Variants in DNAI7 observed in about 807,000 individuals in gnomAD.
DNAI7 encodes the protein dynein axonemal intermediate chain 7.
A neutral mutation model predicts 86.6 loss-of-function variants in DNAI7; 78 were observed. The ratio of observed to expected loss-of-function variants is 0.90; its 90% confidence interval spans 0.75 to 1.09. The LOEUF is 1.09. DNAI7 is among the 50% of genes least tolerant of loss of function. The pLI, the probability that DNAI7 is intolerant of heterozygous loss-of-function variation, is 0.00. For synonymous variants in DNAI7, 274 were observed against 273.0 expected (o/e 1.00, Z -0.04); for missense variants, 753 against 810.2 (o/e 0.93, Z 0.86).
intron 12 of DNAI7, among the ~76,000 whole-genome samples, chr12:25,116,304 T>C (rs1020603478): frequency 6.6e-6 from 1 of 152,172 alleles, no homozygotes; most frequent in African/African-American, 2.4e-5. Flanking sequence ...CATTAACAAA[T>C]AATTTTAATT....
chr12:25,147,212 T>C, intron 7 of DNAI7, 108 bp from the exon 8 acceptor site: 1 of 600,682 alleles, frequency 1.7e-6, no homozygotes, highest in Non-Finnish European at 2.9e-6. Flanking sequence ...ATTAATCACC[T>C]AAGAGAGTAA....
chr12:25,148,298 G>T (rs1265649189), intron 7 of DNAI7, among the ~76,000 whole-genome samples: 1 of 152,140 alleles, frequency 6.6e-6, no homozygotes, highest in African/African-American at 2.4e-5. Flanking sequence ...TCTTCAGCAA[G>T]GAGGCATCAT....
intron 7 of DNAI7, among the ~76,000 whole-genome samples, chr12:25,149,274 A>C (rs1945221291): frequency 6.6e-6 from 1 of 152,138 alleles, no homozygotes; most frequent in South Asian, 2.1e-4. Context: ...ATAGTATTCT[A>C]TTTCTTTAAA....
chr12:25,195,010 T>C, intron 1 of DNAI7, 66 bp downstream of exon 1: 6 of 1,614,154 alleles, frequency 3.7e-6, no homozygotes, highest in Non-Finnish European at 5.1e-6. Flanking sequence ...GATTACATTA[T>C]TTAACACTGG....
intron 2 of DNAI7, among the ~76,000 whole-genome samples, chr12:25,178,067 T>C (rs970516515): frequency 6.6e-6 from 1 of 152,226 alleles, no homozygotes; most frequent in South Asian, 2.1e-4. Flanking sequence ...GTGTCATGAA[T>C]GCACTTCCAT....
At chr12:25,135,966 G>A (rs1284243250) in intron 9 of DNAI7, among the ~76,000 whole-genome samples, 1 of 152,070 alleles carries the variant, frequency 6.6e-6, no homozygotes, top group Non-Finnish European at 1.5e-5. Context: ...GAGCTCTATG[G>A]CCCCATCCAT....
At chr12:25,121,217 C>T (rs1161350403) in intron 11 of DNAI7, among the ~76,000 whole-genome samples, 1 of 152,132 alleles carries the variant, frequency 6.6e-6, no homozygotes, top group East Asian at 1.9e-4. Flanking sequence ...TGCCTCTGCT[C>T]GAGGGAACAC....
intron 12 of DNAI7, among the ~76,000 whole-genome samples, chr12:25,116,202 A>G (rs1405924733): frequency 6.7e-6 from 1 of 149,966 alleles, no homozygotes; most frequent in Non-Finnish European, 1.5e-5. Context: ...TCTCGATTGG[A>G]GGGTTCTGTT....
intron 9 of DNAI7, among the ~76,000 whole-genome samples, chr12:25,134,481 C>T (rs1464202565): frequency 2.0e-5 from 3 of 150,952 alleles, no homozygotes; most frequent in South Asian, 4.2e-4. Context: ...CTCAGCCTCC[C>T]GAGCAGTTGG....
At chr12:25,183,491 C>A (rs938696273) in intron 2 of DNAI7, among the ~76,000 whole-genome samples, 2 of 152,098 alleles carry the variant, frequency 1.3e-5, no homozygotes, top group Non-Finnish European at 2.9e-5. Context: ...GTCTTAAAGT[C>A]TATTGTGTCT....
In DNAI7 at chr12:25,144,597, C is replaced by A. The variant is rs746755531; in HGVS notation, c.770G>T (p.Arg257Leu). Residue 257 changes from arginine (R) to leucine (L), a missense_variant, in exon 9 of 16, where the codon CGA becomes CTA. Transcript: ENST00000395987. ...ATGATCATAGTGGGTATGCAGGAGTCGTACAGCAATGTCACTTGTTGCTAA... is the reference window on the plus strand; with the variant it reads ...ATGATCATAGTGGGTATGCAGGAGTAGTACAGCAATGTCACTTGTTGCTAA... Reference protein sequence around the residue: ...RILATSDIAVRLLHTHYDHVS... With the variant: ...RILATSDIAVLLLHTHYDHVS... 6.2e-7 allele frequency: 1 copy of A among 1,613,858 alleles called. No homozygotes were observed. Among genetic ancestry groups the A allele is most frequent in the Non-Finnish European group, 8.5e-7 (1 of 1,179,954 alleles).
At chr12:25,107,893 A>G (rs766820531), downstream of DNAI7, 16 of 1,614,042 alleles carry the variant, frequency 9.9e-6, no homozygotes, top group Middle Eastern at 1.6e-4. Context: ...CTGGCTCTCT[A>G]TTGCATTCAT....
chr12:25,144,716 T>A, intron 8 of DNAI7, 39 bp from the exon 9 acceptor site: 1 of 1,467,244 alleles, frequency 6.8e-7, no homozygotes, highest in Non-Finnish European at 9.3e-7. Flanking sequence ...GATGAGACCC[T>A]AGGAAACTCT....
chr12:25,132,857 T>C (rs1943091081), intron 9 of DNAI7, among the ~76,000 whole-genome samples: 1 of 141,700 alleles, frequency 7.1e-6, no homozygotes, highest in Non-Finnish European at 1.5e-5. Context: ...AATTGTCTTC[T>C]CACTGATGTG....
At chr12:25,164,889 T>G (rs150297545) in intron 2 of DNAI7, among the ~76,000 whole-genome samples, 9,025 of 70,306 alleles carry the variant, frequency 0.13, 370 homozygotes, top group Admixed American at 0.19. Context: ...CCTCCCCTCC[T>G]CACACCCGGT....
At position 25,123,249 on chromosome 12, in the gene DNAI7, TCA is replaced by T. The variant is rs745871409; in HGVS notation, c.1038_1039del (p.Cys346Ter). The T allele has an allele frequency of 6.2e-7, 1 of 1,607,750 alleles. No individual in the cohort carries two copies. The highest frequency in any genetic ancestry group is 8.5e-7 in the Non-Finnish European group (1 of 1,177,782). ...TTCACTTAATACTTTCATCTCTCGTTCACATTTTATGGCTTCAGATTCTTCCT... is the reference window on the plus strand; with the variant it reads ...TTCACTTAATACTTTCATCTCTCGTTCATTTTATGGCTTCAGATTCTTCCT... On this transcript the variant is annotated stop_gained and frameshift_variant, in exon 10 of 16. Transcript: ENST00000395987. LOFTEE classifies it high-confidence loss of function.
chr12:25,157,811 G>A (rs1163393812), intron 4 of DNAI7, among the ~76,000 whole-genome samples: 1 of 150,164 alleles, frequency 6.7e-6, no homozygotes, highest in Non-Finnish European at 1.5e-5. Context: ...AACTAAAAAA[G>A]GAGAGGTAGA....
At chr12:25,171,252 G>GA (rs1948098041) in intron 2 of DNAI7, among the ~76,000 whole-genome samples, 1 of 152,054 alleles carries the variant, frequency 6.6e-6, no homozygotes, top group African/African-American at 2.4e-5. Flanking sequence ...AAAGAAGATA[G>GA]AAAATCCAAA....
At chr12:25,109,042 A>G (rs1428367100) in intron 15 of DNAI7, among the ~76,000 whole-genome samples, 2 of 152,164 alleles carry the variant, frequency 1.3e-5, no homozygotes, top group Non-Finnish European at 2.9e-5. Context: ...CATGCAACAA[A>G]TATTTATTGA....
Sources: allele counts gnomAD v4.1 joint callset (sites outside exome capture counted in the v4.1 genomes callset), GRCh38; gene constraint gnomAD v4.1.1; transcripts MANE v1.5; gene names NCBI Gene and HGNC (gene_info 2026-07-23, HGNC 2026-07-21).